DGKI: variants seen among roughly 807,000 people sequenced by gnomAD.
DGKI encodes DAG kinase iota.
In DGKI, 55 loss-of-function variants were observed where a neutral mutation model predicts 147.5. The observed-to-expected ratio is 0.37, with a 90% CI of 0.30 to 0.47. The LOEUF is 0.47. Among genes scored for constraint, DGKI ranks in the 20% least tolerant of loss-of-function variants. The pLI, the probability that DGKI is intolerant of heterozygous loss-of-function variation, is 1.00. For synonymous variants in DGKI, 469 were observed against 477.1 expected (o/e 0.98, Z 0.22); for missense variants, 1,007 against 1,323.8 (o/e 0.76, Z 3.71).
rs758676334 is a variant in DGKI at position 137,469,570 on chromosome 7, G to A, written c.2423C>T (p.Pro808Leu). 8.7e-6 allele frequency: 14 copies of A among 1,613,930 alleles called. 1 individual carries two copies. The highest frequency in any genetic ancestry group is 7.7e-5 in the South Asian group (7 of 91,070). ...PRALSAQRLS[P>L]RWCFLDATSA... ...CTCACCATCTAGGAAGCACCACCGAGGAGAGAGCCTCTGTGCTGAGAGAGC... is the reference window on the plus strand; with the variant it reads ...CTCACCATCTAGGAAGCACCACCGAAGAGAGAGCCTCTGTGCTGAGAGAGC... Residue 808 changes from proline to leucine, a missense_variant, in exon 24 of 33, where the codon CCT (proline) becomes CTT (leucine). Physicochemically the swap from Pro to Leu is moderately conservative, Grantham distance 98. This residue lies in a region of DGKI where 385 missense variants were observed against 445.2 expected (regional missense o/e 0.86). Coordinates refer to ENST00000614521, the MANE Select transcript of DGKI (RefSeq NM_001321708.2).
chr7:137,807,904 C>T (rs1052736733), intron 1 of DGKI, among the ~76,000 whole-genome samples: 2 of 152,168 alleles, frequency 1.3e-5, no homozygotes, highest in African/African-American at 4.8e-5. Context: ...AAGTCATACA[C>T]CCTCTTGCCA....
rs1794379067 is a variant in DGKI, at chr7:137,716,431, C to T, written c.402-26429G>A. 2.0e-5 allele frequency among the ~76,000 whole-genome samples: 3 copies of T among 152,182 alleles called. No homozygotes were observed. The South Asian group carries it at 6.2e-4, about 32-fold the overall frequency. ...CAAATTCTATTGCTGTAACAACCTG[C>T]CACTCACTTCTACTTTATACCAGTG... On this transcript the variant is annotated intron_variant, in intron 1 of 32. Transcript: ENST00000614521.
rs1230807068 is a variant in DGKI at position 137,465,906 on chromosome 7, A to T, written c.2612+2T>A. The T allele has an allele frequency of 6.2e-7, 1 of 1,613,392 alleles. No homozygotes were observed. On this transcript the variant is annotated splice_donor_variant, in intron 26 of 32. Coordinates refer to ENST00000614521, the MANE Select transcript of DGKI (RefSeq NM_001321708.2). LOFTEE classifies it high-confidence loss of function. ...CTCACAGGCCAGGAGAAGCACACTC[A>T]CCCCGAGGCTTGTTCCACCACCAGG...
chr7:137,654,600 G>A, intron 5 of DGKI, 132 bp downstream of exon 5: 1 of 696,504 alleles, frequency 1.4e-6, no homozygotes, highest in Non-Finnish European at 2.5e-6. Flanking sequence ...GCTTATTGAT[G>A]TGTTAACAAA....
At chr7:137,728,662 C>G (rs1794782573) in intron 1 of DGKI, among the ~76,000 whole-genome samples, 1 of 152,146 alleles carries the variant, frequency 6.6e-6, no homozygotes, top group South Asian at 2.1e-4. Flanking sequence ...CATCTGCCAT[C>G]ATTTCCTCTT....
At chr7:137,704,249 C>A (rs1197932587) in intron 1 of DGKI, among the ~76,000 whole-genome samples, 1 of 152,036 alleles carries the variant, frequency 6.6e-6, no homozygotes, top group African/African-American at 2.4e-5. Flanking sequence ...TAAACCATGT[C>A]TAAGGAGCTA....
intron 1 of DGKI, among the ~76,000 whole-genome samples, chr7:137,769,179 A>G (rs1276988197): frequency 6.6e-6 from 1 of 152,204 alleles, no homozygotes; most frequent in Non-Finnish European, 1.5e-5. Context: ...GAGACACGGG[A>G]GAAAATGCAA....
chr7:137,434,544 G>A (rs569733596), intron 28 of DGKI, among the ~76,000 whole-genome samples: 32 of 152,326 alleles, frequency 2.1e-4, no homozygotes, highest in Admixed American at 7.8e-4. Context: ...TTGTGCCACT[G>A]CACTCCAGCC....
intron 28 of DGKI, among the ~76,000 whole-genome samples, chr7:137,420,206 C>T (rs944653716): frequency 2.0e-5 from 3 of 152,164 alleles, no homozygotes; most frequent in Admixed American, 2.0e-4. Flanking sequence ...CAAAAGCAAC[C>T]ATCCCAAGAG....
In DGKI at chr7:137,386,995, A is replaced by G. The variant is rs1811194514; in HGVS notation, c.*4225T>C. On this transcript the variant is annotated 3_prime_UTR_variant, in exon 33 of 33. Coordinates refer to ENST00000614521, the MANE Select transcript of DGKI (RefSeq NM_001321708.2). ...CATTTTAACAAAGTCCCATTTTTAA[A>G]TAGCATAATTGAATAAAATATGCTG... 1 of 152,132 alleles carries G rather than the reference A, an allele frequency of 6.6e-6. No individual in the cohort carries two copies. The highest frequency in any genetic ancestry group is 2.1e-4 in the South Asian group (1 of 4,830). The allele number at this position is 152,132 out of a possible 1,614,324, so 9.4% of individuals were successfully genotyped here. A position where few individuals can be genotyped will look rare whatever the true frequency, so the allele number is the denominator to read the frequency against.
At position 137,435,545 on chromosome 7, in the gene DGKI, C is replaced by T. The variant is rs550222663; in HGVS notation, c.2761+8532G>A. On this transcript the variant is annotated intron_variant, in intron 28 of 32. Coordinates refer to ENST00000614521, the MANE Select transcript of DGKI (RefSeq NM_001321708.2). ...AGAGTAGAAGTAACTCTCTAAAGCT[C>T]GAAAGCAACATGAGCTAAAGCGGGA... 1.2e-4 allele frequency among the ~76,000 whole-genome samples: 18 copies of T among 151,916 alleles called. No homozygotes were observed. In the East Asian group the frequency reaches 3.1e-3, roughly 26 times the overall value.
rs371831275 is a variant in DGKI, at chr7:137,650,593, C to T, written c.738+4139G>A. On this transcript the variant is annotated intron_variant, in intron 5 of 32. Transcript: ENST00000614521. Reference sequence around the variant, plus strand: ...TAGACTCTTCATGGATGCAATCAGGCTCCTTATAAAAGAGACCACAGAAAG... The same window carrying T: ...TAGACTCTTCATGGATGCAATCAGGTTCCTTATAAAAGAGACCACAGAAAG... Among the ~76,000 whole-genome samples the T allele has an allele frequency of 1.8e-4, 28 of 152,220 alleles. 1 individual carries two copies. The South Asian group carries it at 5.0e-3, about 27-fold the overall frequency.
intron 1 of DGKI, among the ~76,000 whole-genome samples, chr7:137,727,339 C>T (rs980215397): frequency 3.3e-5 from 5 of 152,052 alleles, no homozygotes; most frequent in Non-Finnish European, 5.9e-5. Context: ...GACAACAACA[C>T]AAGAAAGTTA....
At chr7:137,726,930 G>A (rs1794734600) in intron 1 of DGKI, among the ~76,000 whole-genome samples, 1 of 152,018 alleles carries the variant, frequency 6.6e-6, no homozygotes, top group African/African-American at 2.4e-5. Context: ...TCACTACTAT[G>A]TTATTGCAGG....
rs770000406 is a variant in DGKI, at chr7:137,409,898, C to T, written c.2800-1903G>A. ...TCTCGCTCTCTTTGTCTCTCTCTCTCTCTCTCTTTCTCTCCCTCTCTCTCA... is the reference window on the plus strand; with the variant it reads ...TCTCGCTCTCTTTGTCTCTCTCTCTTTCTCTCTTTCTCTCCCTCTCTCTCA... On this transcript the variant is annotated intron_variant, in intron 29 of 32. Coordinates refer to ENST00000614521, the MANE Select transcript of DGKI (RefSeq NM_001321708.2). Among the ~76,000 whole-genome samples the T allele has an allele frequency of 1.4e-3, 220 of 152,296 alleles. 3 individuals are homozygous for T. The highest frequency in any genetic ancestry group is 0.01 in the Middle Eastern group (3 of 294).
intron 11 of DGKI, 75 bp from the exon 12 acceptor site, chr7:137,597,982 C>T: frequency 2.2e-6 from 3 of 1,369,982 alleles, no homozygotes; most frequent in Non-Finnish European, 3.1e-6. Flanking sequence ...CAGAGGACAA[C>T]ATGGGTAGGT....
chr7:137,605,984 T>A (rs1441918553), intron 10 of DGKI, among the ~76,000 whole-genome samples: 1 of 152,216 alleles, frequency 6.6e-6, no homozygotes. Flanking sequence ...AAAGAAATGA[T>A]AAATGTTTGA....
At chr7:137,624,674 G>A (rs965824816) in intron 6 of DGKI, among the ~76,000 whole-genome samples, 4 of 151,676 alleles carry the variant, frequency 2.6e-5, no homozygotes, top group East Asian at 3.9e-4. Context: ...ACCCAATCTC[G>A]TCTCACTGCA....
chr7:137,715,395 C>A (rs1452853230), intron 1 of DGKI, among the ~76,000 whole-genome samples: 2 of 152,176 alleles, frequency 1.3e-5, no homozygotes, highest in Admixed American at 1.3e-4. Flanking sequence ...AGGTTCCTGG[C>A]AAACCCAGAT....
Sources: gnomAD v4.1 joint callset for allele counts (sites outside exome capture counted in the v4.1 genomes callset) on GRCh38, gnomAD v4.1.1 for gene constraint, gnomAD v4.1.1 regional missense constraint, MANE v1.5 for transcripts, NCBI Gene and HGNC (gene_info 2026-07-23, HGNC 2026-07-21) for gene names.